The following ATP8B4 variants were observed in gnomAD, a reference collection of about 807,000 sequenced individuals.
The protein encoded by ATP8B4 is probable phospholipid-transporting ATPase IM.
Under a neutral mutation model 145.6 loss-of-function variants are expected in ATP8B4, and 133 were observed. The ratio of observed to expected loss-of-function variants is 0.91; its 90% CI spans 0.79 to 1.05. The LOEUF (loss-of-function observed/expected upper bound fraction) is 1.05, where lower values mean the gene tolerates loss of function less well. Among genes scored for constraint, ATP8B4 ranks in the 50% least tolerant of loss-of-function variants. The probability of loss-of-function intolerance (pLI) is 0.00; values close to 1 mark genes in which losing one functional copy is unlikely to be tolerated. For missense variants in ATP8B4, 1,458 were observed against 1,425.2 expected, an observed-to-expected ratio of 1.02 and a Z score of -0.37; for synonymous variants, 507 against 492.9, an observed-to-expected ratio of 1.03 and a Z score of -0.38.
intron 10 of ATP8B4, 62 bp from the exon 11 acceptor site, chr15:49,981,356 C>T (rs996098393): frequency 1.5e-5 from 19 of 1,277,968 alleles, no homozygotes; most frequent in South Asian, 7.8e-5. Flanking sequence ...CTTATTAATG[C>T]TCATATCAAA....
chr15:49,930,657 T>G (rs1473444490), intron 16 of ATP8B4, among the ~76,000 whole-genome samples: 3 of 152,216 alleles, frequency 2.0e-5, no homozygotes, highest in Admixed American at 6.5e-5. Flanking sequence ...GTGAATGGGC[T>G]ATGCAGTCAC....
rs532203678 is a variant in ATP8B4, at chr15:49,897,119, T to C, written c.2697+173A>G. The C allele has an allele frequency of 8.7e-5, 53 of 608,858 alleles. No homozygotes were observed. In the East Asian group the frequency reaches 1.5e-3, roughly 17 times the overall value. 37.7% of individuals were successfully genotyped at this position (608,858 alleles called of 1,614,324 possible). ...AATTCCAGCTAGATACATATTCTTC[T>C]TGGGTACAAAGCTCAAGTCAACTAT... On this transcript the variant is annotated intron_variant, in intron 23 of 27. Transcript: ENST00000284509.
intron 6 of ATP8B4, among the ~76,000 whole-genome samples, chr15:50,018,021 T>C (rs1203755381): frequency 6.9e-6 from 1 of 144,488 alleles, no homozygotes; most frequent in Non-Finnish European, 1.5e-5. Flanking sequence ...GGAGTCTCAC[T>C]CTGTCATCCA....
intron 14 of ATP8B4, among the ~76,000 whole-genome samples, chr15:49,957,443 T>A (rs1191178044): frequency 6.6e-6 from 1 of 151,850 alleles, no homozygotes; most frequent in Non-Finnish European, 1.5e-5. Flanking sequence ...ACCTAAAATA[T>A]TATAACAGAA....
chr15:50,111,832 GGA>G (rs2056962149), intron 1 of ATP8B4, among the ~76,000 whole-genome samples: 1 of 152,160 alleles, frequency 6.6e-6, no homozygotes, highest in African/African-American at 2.4e-5. Context: ...GAACAAATGA[GGA>G]CAGCGAGTGT....
chr15:50,134,191 G>A lies in ATP8B4; in HGVS notation c.-42-27183C>T, dbSNP rs540381575. On this transcript the variant is annotated intron_variant, in intron 1 of 3. Coordinates refer to the ATP8B4 transcript ENST00000558829. Reference sequence around the variant, plus strand: ...GATAGACTGTCAGTGAGAGGGAAATGGAAAAAAAGAAAAATAGACTGTCAA... The same window carrying A: ...GATAGACTGTCAGTGAGAGGGAAATAGAAAAAAAGAAAAATAGACTGTCAA... 8.6e-5 allele frequency among the ~76,000 whole-genome samples: 13 copies of A among 151,144 alleles called. 1 individual carries two copies. The South Asian group carries it at 2.3e-3, about 27-fold the overall frequency.
intron 3 of ATP8B4, among the ~76,000 whole-genome samples, chr15:50,058,990 A>G (rs978325199): frequency 1.3e-5 from 2 of 152,154 alleles, no homozygotes; most frequent in Non-Finnish European, 2.9e-5. Flanking sequence ...AGCATCTTCT[A>G]TCATTAAAAC....
chr15:50,131,148 A>G (rs150098972), intron 1 of ATP8B4, among the ~76,000 whole-genome samples: 351 of 152,260 alleles, frequency 2.3e-3, no homozygotes, highest in Middle Eastern at 0.01. Context: ...CCATGATTCA[A>G]TTACCTCCAC....
At chr15:50,086,970 G>T (rs1272847470) in intron 2 of ATP8B4, among the ~76,000 whole-genome samples, 1 of 96,132 alleles carries the variant, frequency 1.0e-5, no homozygotes, top group African/African-American at 4.6e-5. Flanking sequence ...AAATAATATA[G>T]AGATCTATAT....
chr15:50,072,395 TAC>T (rs1429124602), intron 3 of ATP8B4, among the ~76,000 whole-genome samples: 5 of 152,288 alleles, frequency 3.3e-5, no homozygotes, highest in Admixed American at 1.3e-4. Context: ...GGTAGCAACT[TAC>T]ACAGAGTCAT....
At chr15:50,113,061 T>G (rs2057027346) in intron 1 of ATP8B4, 1 of 152,890 alleles carries the variant, frequency 6.5e-6, no homozygotes, top group South Asian at 2.1e-4. Flanking sequence ...TGCCCAGCCC[T>G]TCCCCCTTCC....
chr15:50,132,928 G>A (rs1167432129), intron 1 of ATP8B4, among the ~76,000 whole-genome samples: 2 of 152,132 alleles, frequency 1.3e-5, no homozygotes, highest in African/African-American at 4.8e-5. Context: ...CATGGACACA[G>A]GGAGGGGAAC....
chr15:50,058,960 G>GAAAAAAA (rs34248262), intron 3 of ATP8B4, among the ~76,000 whole-genome samples: 1 of 145,440 alleles, frequency 6.9e-6, no homozygotes, highest in African/African-American at 2.5e-5. Context: ...GGAGGGCAGG[G>GAAAAAAA]AAAAAAAAAA....
At chr15:50,004,502 G>C (rs181567601) in intron 7 of ATP8B4, among the ~76,000 whole-genome samples, 1 of 152,110 alleles carries the variant, frequency 6.6e-6, no homozygotes, top group Non-Finnish European at 1.5e-5. Context: ...TAAATCCTAC[G>C]GGGACCCAAT....
intron 26 of ATP8B4, among the ~76,000 whole-genome samples, chr15:49,862,730 C>A (rs1259880514): frequency 6.6e-6 from 1 of 152,204 alleles, no homozygotes; most frequent in African/African-American, 2.4e-5. Flanking sequence ...GCTAGGATTA[C>A]AGGCGTGAGC....
At chr15:50,050,412 A>T (rs967812706) in intron 3 of ATP8B4, among the ~76,000 whole-genome samples, 1 of 152,186 alleles carries the variant, frequency 6.6e-6, no homozygotes, top group Admixed American at 6.5e-5. Flanking sequence ...CTATTAAATC[A>T]TCTTTCCCTT....
rs142793068 is a variant in ATP8B4 at position 49,972,702 on chromosome 15, G to A, written c.1123C>T (p.Arg375Ter). ...AGTTCCTCATTGAGCGTGGTCGTTC[G>A]AGCCACTGCAGGTATTGCTTTTCGA... ...YSRKAIPAVARTTTLNEELGQ... is the reference protein window; with the variant it reads ...YSRKAIPAVA Residue 375 changes from arginine (R) to a stop codon, truncating the protein, a stop_gained, in exon 13 of 28, where the codon CGA becomes TGA. Coordinates refer to ENST00000284509, the MANE Select transcript of ATP8B4 (RefSeq NM_024837.4). LOFTEE classifies it high-confidence loss of function. 1.1e-5 allele frequency: 17 copies of A among 1,613,832 alleles called. No homozygotes were observed. Among genetic ancestry groups the A allele is most frequent in the East Asian group, 8.9e-5 (4 of 44,874 alleles).
At chr15:49,912,017 G>A (rs1398748128) in intron 20 of ATP8B4, among the ~76,000 whole-genome samples, 2 of 151,930 alleles carry the variant, frequency 1.3e-5, no homozygotes, top group Non-Finnish European at 2.9e-5. Context: ...CAAAACCTAT[G>A]GAATACAGCA....
At chr15:49,881,367 CTT>C (rs1368488548) in intron 23 of ATP8B4, among the ~76,000 whole-genome samples, 1 of 152,128 alleles carries the variant, frequency 6.6e-6, no homozygotes, top group Non-Finnish European at 1.5e-5. Flanking sequence ...TTTAATATAA[CTT>C]AAATTGTAAA....
Sources: allele counts gnomAD v4.1 joint callset (sites outside exome capture counted in the v4.1 genomes callset), GRCh38; gene constraint gnomAD v4.1.1; transcripts MANE v1.5; gene names NCBI Gene and HGNC (gene_info 2026-07-23, HGNC 2026-07-21).